Variants in PLIN1 observed in about 807,000 individuals in gnomAD.
The protein encoded by PLIN1 is perilipin 1, also known as perilipin-1.
PLIN1 carries 37 observed loss-of-function variants against 45.8 expected under a neutral mutation model. That is an observed-to-expected ratio of 0.81 (90% confidence interval 0.62 to 1.06). The LOEUF (loss-of-function observed/expected upper bound fraction) is 1.06. Ranked by LOEUF, PLIN1 falls within the 50% of genes least tolerant of loss-of-function variation. The pLI is 0.00. For missense variants in PLIN1, 776 were observed against 716.5 expected, an observed-to-expected ratio of 1.08 and a Z score of -0.95; for synonymous variants, 340 against 309.2, an observed-to-expected ratio of 1.10 and a Z score of -1.05.
intron 2 of PLIN1, among the ~76,000 whole-genome samples, chr15:89,675,866 G>A (rs1964507731): frequency 6.6e-6 from 1 of 152,136 alleles, no homozygotes; most frequent in South Asian, 2.1e-4. Context: ...AACACAAGTT[G>A]GAAATGGCCT....
intron 5 of PLIN1, 118 bp downstream of exon 5, chr15:89,669,862 G>A: frequency 2.6e-6 from 3 of 1,159,652 alleles, no homozygotes; most frequent in Admixed American, 2.0e-5. Flanking sequence ...GAATCCATCT[G>A]AAAATCCCAC....
At chr15:89,678,987 A>C (rs1964559524) in intron 1 of PLIN1, among the ~76,000 whole-genome samples, 1 of 152,068 alleles carries the variant, frequency 6.6e-6, no homozygotes, top group South Asian at 2.1e-4. Flanking sequence ...CTGGGACTAC[A>C]GGCATGCACC....
At chr15:89,675,031 G>A (rs951763112) in intron 2 of PLIN1, among the ~76,000 whole-genome samples, 5 of 151,634 alleles carry the variant, frequency 3.3e-5, no homozygotes, top group African/African-American at 9.7e-5. Context: ...CGGGAAGATC[G>A]CATGAGTCCG....
At position 89,670,007 on chromosome 15, in the gene PLIN1, G is replaced by C; in HGVS notation, c.571C>G (p.Leu191Val). 1.2e-6 allele frequency: 2 copies of C among 1,613,006 alleles called. No homozygotes were observed. The change falls in exon 5 of 9, where the codon CTC becomes GTC. Residue 191 changes from leucine (L) to valine (V), a missense_variant. By Grantham distance (32) the Leu-to-Val change is conservative. Transcript: ENST00000300055. ...GACTCTTCCTTGTCTGGAGGGAGGA[G>C]GTACTCCACCACCTTCTCAATGCTG... ...LGSIEKVVEY[L>V]LPPDKEESAP...
intron 2 of PLIN1, among the ~76,000 whole-genome samples, chr15:89,674,173 T>C (rs1964482953): frequency 6.6e-6 from 1 of 152,328 alleles, no homozygotes; most frequent in South Asian, 2.1e-4. Flanking sequence ...TCTGCCCAAC[T>C]GCACAGAATC....
Position 89,665,940 on chromosome 15 carries a change from G to GTT in PLIN1, c.1211_1212insAA (p.Pro405ThrfsTer6). ...CGGGCTCCATCAGCGACAGCCTGGG[G>GTT]AGCTGAGGGCCCGGCAGCCGCCTTA... is the stretch of plus-strand genomic sequence containing the variant. On this transcript the variant is annotated frameshift_variant and splice_region_variant, in exon 9 of 9. Coordinates refer to ENST00000300055, the MANE Select transcript of PLIN1 (RefSeq NM_002666.5). LOFTEE classifies it low-confidence loss of function (END_TRUNC). 6.6e-7 allele frequency: 1 copy of GTT among 1,511,218 alleles called. No individual in the cohort carries two copies. The highest frequency in any genetic ancestry group is 8.8e-7 in the Non-Finnish European group (1 of 1,135,136). 93.6% of individuals were successfully genotyped at this position (1,511,218 alleles called of 1,614,324 possible).
intron 2 of PLIN1, among the ~76,000 whole-genome samples, chr15:89,676,017 T>C (rs1408098982): frequency 1.3e-5 from 2 of 150,344 alleles, no homozygotes; most frequent in African/African-American, 4.9e-5. Flanking sequence ...TCTATTCTTA[T>C]GAATGTTGAG....
Position 89,669,556 on chromosome 15 carries a change from G to A in PLIN1, c.715C>T (p.Arg239Trp), listed in dbSNP as rs746707894. The change falls in exon 6 of 9, where the codon CGG (arginine) becomes TGG (tryptophan). Residue 239 changes from arginine (R) to tryptophan (W), a missense_variant. Arg to Trp is a moderately radical substitution (Grantham distance 101). Coordinates refer to ENST00000300055, the MANE Select transcript of PLIN1 (RefSeq NM_002666.5). ...LSRYTVQTMA[R>W]ALEQGHTVAM... is the part of the protein sequence containing the mutation. ...ACGGTGTGGCCCTGCTCCAGGGCCC[G>A]GGCCATGGTCTGCACGGTGTATCGA... 6.7e-5 allele frequency: 108 copies of A among 1,613,630 alleles called. No individual in the cohort carries two copies. The highest frequency in any genetic ancestry group is 8.3e-5 in the Non-Finnish European group (98 of 1,179,894).
rs1325948325 is a variant in PLIN1 at position 89,667,142 on chromosome 15, C to T, written c.1003G>A (p.Val335Met). Residue 335 changes from valine (V) to methionine (M), a missense_variant, in exon 8 of 9, where the codon GTG becomes ATG. By Grantham distance (21) the Val-to-Met change is conservative. Transcript: ENST00000300055. ...LPGPRGLLGG[V>M]AHTLQKTLQT... ...AGGGTCTTCTGCAGGGTATGTGCCA[C>T]ACCACCCAGGAGGCCTCGAGGGCCT... is the stretch of plus-strand genomic sequence containing the variant. 2.5e-6 allele frequency: 4 copies of T among 1,613,880 alleles called. No homozygotes were observed. Among genetic ancestry groups the T allele is most frequent in the Admixed American group, 1.7e-5 (1 of 60,028 alleles).
Position 89,665,709 on chromosome 15 carries a change from G to A in PLIN1, c.1443C>T (p.Arg481=). Residue 481 remains arginine (R), a synonymous_variant, in exon 9 of 9, where the codon CGC becomes CGT. Transcript: ENST00000300055. ...EDEVATPAAP[R]PGFPAVPREK... is the part of the protein sequence containing the mutation. ...CGCGGGGCACGGCCGGGAAGCCCGG[G>A]CGCGGCGCTGCGGGCGTGGCGACTT... The A allele has an allele frequency of 6.8e-7, 1 of 1,467,830 alleles. No individual in the cohort carries two copies. The highest frequency in any genetic ancestry group is 9.0e-7 in the Non-Finnish European group (1 of 1,112,684). The allele number at this position is 1,467,830 out of a possible 1,614,324, so 90.9% of individuals were successfully genotyped here. A position where few individuals can be genotyped will look rare whatever the true frequency, so the allele number is the denominator to read the frequency against.
At chr15:89,674,080 G>A (rs939572030) in intron 2 of PLIN1, among the ~76,000 whole-genome samples, 5 of 152,188 alleles carry the variant, frequency 3.3e-5, no homozygotes, top group Non-Finnish European at 5.9e-5. Context: ...TCCCCAGAGT[G>A]TAGGCCAAAC....
In PLIN1 at chr15:89,669,484, C is replaced by T; in HGVS notation, c.771+16G>A. 1.9e-6 allele frequency: 3 copies of T among 1,607,390 alleles called. No homozygotes were observed. Among genetic ancestry groups the T allele is most frequent in the Non-Finnish European group, 2.5e-6 (3 of 1,178,640 alleles). ...CCCAGGCACCGGGTCAGTCAGAGCT[C>T]ACGGCAGATACTTACCAGGGGCACC... On this transcript the variant is annotated intron_variant, in intron 6 of 8. Coordinates refer to ENST00000300055, the MANE Select transcript of PLIN1 (RefSeq NM_002666.5).
intron 2 of PLIN1, among the ~76,000 whole-genome samples, chr15:89,673,720 TC>T (rs767734002): frequency 3.4e-4 from 49 of 144,256 alleles, no homozygotes; most frequent in African/African-American, 1.2e-3. Flanking sequence ...CTCAGCTCAC[TC>T]CCCTGATACC....
chr15:89,664,621 G>A lies in PLIN1; in HGVS notation c.*962C>T, dbSNP rs1001915011. 2.2e-5 allele frequency: 7 copies of A among 315,436 alleles called. No homozygotes were observed. The Admixed American group carries it at 3.1e-4, about 14-fold the overall frequency. 19.5% of individuals were successfully genotyped at this position (315,436 alleles called of 1,614,324 possible). On this transcript the variant is annotated 3_prime_UTR_variant, in exon 9 of 9. Transcript: ENST00000300055. ...CCCACAGCTTGTGTAAACACAAGCGGGGAGTGCATACACACGTGCCTGCAG... is the reference window on the plus strand; with the variant it reads ...CCCACAGCTTGTGTAAACACAAGCGAGGAGTGCATACACACGTGCCTGCAG...
rs1964360426 is a variant in PLIN1, at chr15:89,667,158, T to C, written c.987A>G (p.Arg329=). The C allele has an allele frequency of 6.2e-7, 1 of 1,613,554 alleles. No homozygotes were observed. Among genetic ancestry groups the C allele is most frequent in the African/African-American group, 1.3e-5 (1 of 74,900 alleles). Residue 329 remains arginine (R), a synonymous_variant, in exon 8 of 9, where the codon CGA becomes CGG. Coordinates refer to ENST00000300055, the MANE Select transcript of PLIN1 (RefSeq NM_002666.5). The part of the protein sequence containing the change: ...FSEVAALPGP[R]GLLGGVAHTL... ...TATGTGCCACACCACCCAGGAGGCC[T>C]CGAGGGCCTGGCAGGGCTGCTACCT...
In PLIN1 at chr15:89,666,819, G is replaced by A. The variant is rs904057011; in HGVS notation, c.1209+117C>T. On this transcript the variant is annotated intron_variant, in intron 8 of 8. Coordinates refer to ENST00000300055, the MANE Select transcript of PLIN1 (RefSeq NM_002666.5). ...GGCACTGAGGACTGGAGTGGGGGGC[G>A]GTCTCCAGAGGAGTAGGGGAAAGGA... 11 of 1,145,616 alleles carry A rather than the reference G, an allele frequency of 9.6e-6. No individual in the cohort carries two copies. In the Admixed American group the frequency reaches 1.1e-4, roughly 12 times the overall value. The allele number at this position is 1,145,616 out of a possible 1,614,324, so 71.0% of individuals were successfully genotyped here. A position where few individuals can be genotyped will look rare whatever the true frequency, so the allele number is the denominator to read the frequency against.
intron 4 of PLIN1, among the ~76,000 whole-genome samples, 175 bp downstream of exon 4, chr15:89,671,307 G>A (rs1008791447): frequency 2.0e-5 from 3 of 147,012 alleles, no homozygotes; most frequent in Admixed American, 6.7e-5. Context: ...AGCTTCACAG[G>A]GAGAAGAGGA....
chr15:89,666,834 A>AG, intron 8 of PLIN1, 102 bp downstream of exon 8: 1 of 1,343,176 alleles, frequency 7.4e-7, no homozygotes, highest in Non-Finnish European at 1.1e-6. Flanking sequence ...CCAGAGGAGT[A>AG]GGGGAAAGGA....
At chr15:89,667,833 C>A in intron 6 of PLIN1, 40 bp from the exon 7 acceptor site, 1 of 1,541,766 alleles carries the variant, frequency 6.5e-7, no homozygotes, top group East Asian at 2.4e-5. Context: ...TCAACTGCCC[C>A]TGCTGAAGGC....
Sources: allele counts gnomAD v4.1 joint callset (sites outside exome capture counted in the v4.1 genomes callset), GRCh38; gene constraint gnomAD v4.1.1; transcripts MANE v1.5; gene names NCBI Gene and HGNC (gene_info 2026-07-23, HGNC 2026-07-21).